SGCZ: variants seen among roughly 807,000 people sequenced by gnomAD.
SGCZ encodes sarcoglycan zeta, also known as zeta-sarcoglycan.
SGCZ carries 40 observed loss-of-function variants against 41.3 expected under a neutral mutation model. That is an observed-to-expected ratio of 0.97 (90% CI 0.75 to 1.26). The LOEUF is 1.26. Among genes scored for constraint, SGCZ ranks in the 50% most tolerant of loss-of-function variants. The probability of loss-of-function intolerance (pLI) is 0.00; values close to 1 mark genes in which losing one functional copy is unlikely to be tolerated. For synonymous variants in SGCZ, 206 were observed against 137.5 expected, an observed-to-expected ratio of 1.50 and a Z score of -3.49; for missense variants, 552 against 369.8, an observed-to-expected ratio of 1.49 and a Z score of -4.04.
intron 1 of SGCZ, among the ~76,000 whole-genome samples, chr8:14,904,891 T>C (rs1249315556): frequency 1.3e-5 from 2 of 151,962 alleles, no homozygotes; most frequent in East Asian, 3.9e-4. Flanking sequence ...AACCATTCTT[T>C]ATCTTTCAAC....
intron 3 of SGCZ, among the ~76,000 whole-genome samples, chr8:14,279,569 T>C (rs532776097): frequency 1.3e-5 from 2 of 152,138 alleles, no homozygotes; most frequent in African/African-American, 4.8e-5. Flanking sequence ...ATATGCTTTA[T>C]TAATGACAAC....
chr8:14,652,283 G>A (rs569230523), intron 1 of SGCZ, among the ~76,000 whole-genome samples: 1 of 125,866 alleles, frequency 7.9e-6, no homozygotes, highest in East Asian at 2.7e-4. Context: ...GGAGGTTGCG[G>A]TGAGCCAAGA....
At chr8:14,847,125 G>A (rs868355680) in intron 1 of SGCZ, among the ~76,000 whole-genome samples, 263 of 61,746 alleles carry the variant, frequency 4.3e-3, no homozygotes, top group African/African-American at 0.013. Flanking sequence ...AGAAGAAGAA[G>A]AAAGAAGAAG....
At chr8:14,419,470 G>T (rs776118373) in intron 2 of SGCZ, among the ~76,000 whole-genome samples, 6 of 151,556 alleles carry the variant, frequency 4.0e-5, no homozygotes, top group Non-Finnish European at 7.4e-5. Context: ...TCCTCTATGA[G>T]ATTTTTTGTC....
chr8:14,455,491 C>CACACAT (rs58938973), intron 2 of SGCZ, among the ~76,000 whole-genome samples: 2 of 146,666 alleles, frequency 1.4e-5, no homozygotes, highest in East Asian at 2.1e-4. Context: ...CACACACACA[C>CACACAT]GCATATACAC....
At chr8:14,933,261 C>T (rs1799972180) in intron 1 of SGCZ, among the ~76,000 whole-genome samples, 1 of 151,768 alleles carries the variant, frequency 6.6e-6, no homozygotes, top group Non-Finnish European at 1.5e-5. Flanking sequence ...AGAATATCTG[C>T]CAAAACCTAG....
chr8:14,158,676 C>A (rs1442690744), intron 5 of SGCZ, among the ~76,000 whole-genome samples: 1 of 152,194 alleles, frequency 6.6e-6, no homozygotes, highest in Non-Finnish European at 1.5e-5. Context: ...GAGCAGCCAG[C>A]AGTGCAAATA....
rs936902192 is a variant in SGCZ, at chr8:14,507,349, C to A, written c.234+47383G>T. On this transcript the variant is annotated intron_variant, in intron 2 of 7. Transcript: ENST00000382080. ...TTTGAGAAGCACAGTTTTGGGGAAT[C>A]TGCCTGTATAATTAAAATCTTCTAA... is the stretch of plus-strand genomic sequence containing the variant. Among the ~76,000 whole-genome samples the A allele has an allele frequency of 1.1e-4, 16 of 152,150 alleles. 3 individuals carry two copies. The highest frequency in any genetic ancestry group is 9.8e-4 in the Admixed American group (15 of 15,252).
chr8:14,394,359 C>G (rs1037942105), intron 2 of SGCZ, among the ~76,000 whole-genome samples: 2 of 151,964 alleles, frequency 1.3e-5, no homozygotes, highest in Non-Finnish European at 2.9e-5. Flanking sequence ...CCATGTTGGC[C>G]AGGATGGTCT....
At chr8:14,417,899 T>G (rs1315199523) in intron 2 of SGCZ, among the ~76,000 whole-genome samples, 2 of 151,896 alleles carry the variant, frequency 1.3e-5, no homozygotes, top group Admixed American at 6.6e-5. Flanking sequence ...GAACCAGATT[T>G]TATTTATATT....
chr8:14,671,967 C>G (rs4144410), intron 1 of SGCZ, among the ~76,000 whole-genome samples: 3 of 151,756 alleles, frequency 2.0e-5, no homozygotes, highest in African/African-American at 7.3e-5. Context: ...ACATCATTTT[C>G]GAAACTGAAG....
chr8:14,891,621 A>C (rs917179558), intron 1 of SGCZ, among the ~76,000 whole-genome samples: 1 of 152,238 alleles, frequency 6.6e-6, no homozygotes, highest in African/African-American at 2.4e-5. Context: ...CCACAAACTT[A>C]GCTGATAAAG....
chr8:14,640,081 T>C (rs1168027208), intron 1 of SGCZ, among the ~76,000 whole-genome samples: 1 of 151,744 alleles, frequency 6.6e-6, no homozygotes, highest in Non-Finnish European at 1.5e-5. Context: ...TGATAACATA[T>C]ACTTTAAGTG....
At chr8:14,513,066 T>C (rs775259609) in intron 2 of SGCZ, among the ~76,000 whole-genome samples, 8 of 152,102 alleles carry the variant, frequency 5.3e-5, no homozygotes, top group Admixed American at 1.3e-4. Flanking sequence ...AGTCTCATAG[T>C]CTCACAGTGA....
intron 1 of SGCZ, among the ~76,000 whole-genome samples, chr8:14,797,986 C>G (rs1331090218): frequency 3.3e-5 from 5 of 152,166 alleles, no homozygotes; most frequent in Non-Finnish European, 5.9e-5. Context: ...AGGGAAATAC[C>G]TGCATGTCTA....
At chr8:14,804,352 A>G (rs1801450744) in intron 1 of SGCZ, among the ~76,000 whole-genome samples, 2 of 119,226 alleles carry the variant, frequency 1.7e-5, no homozygotes, top group Admixed American at 1.9e-4. Context: ...AAGAATGTAT[A>G]ACTAGAATAA....
rs1801840738 is a variant in SGCZ at position 14,986,858 on chromosome 8, T to C, written c.39+250727A>G. Among the ~76,000 whole-genome samples, 2 of 151,982 alleles carry C rather than the reference T, an allele frequency of 1.3e-5. 1 individual carries two copies. The highest frequency in any genetic ancestry group is 4.1e-4 in the South Asian group (2 of 4,832). On this transcript the variant is annotated intron_variant, in intron 1 of 7. Transcript: ENST00000382080. ...CATAAATTGCCACTGTATTTTTGTA[T>C]GTGGGATAATGGATTAAAATTTTGT... is the stretch of plus-strand genomic sequence containing the variant.
chr8:14,230,747 C>CT (rs985174188), intron 4 of SGCZ, among the ~76,000 whole-genome samples: 103 of 120,054 alleles, frequency 8.6e-4, no homozygotes, highest in African/African-American at 1.4e-3. Flanking sequence ...TTCTTTCCTT[C>CT]TTTTTTTTTT....
intron 1 of SGCZ, among the ~76,000 whole-genome samples, chr8:14,729,859 C>T (rs958977245): frequency 6.6e-6 from 1 of 152,156 alleles, no homozygotes; most frequent in African/African-American, 2.4e-5. Flanking sequence ...ACGAGGCAGG[C>T]AGACCAATTG....
Sources: allele counts gnomAD v4.1 joint callset (sites outside exome capture counted in the v4.1 genomes callset), GRCh38; gene constraint gnomAD v4.1.1; transcripts MANE v1.5; gene names NCBI Gene and HGNC (gene_info 2026-07-23, HGNC 2026-07-21).